Variants in GIPC2 observed in about 807,000 individuals in gnomAD.
GIPC2 encodes the protein PDZ domain-containing protein GIPC2.
In GIPC2, 30 loss-of-function variants were observed where a neutral mutation model predicts 30.6. That is an observed-to-expected ratio of 0.98 (90% confidence interval 0.73 to 1.33). GIPC2 has a LOEUF of 1.33. Ranked by LOEUF, GIPC2 falls within the 40% of genes most tolerant of loss-of-function variation. The pLI, the probability that GIPC2 is intolerant of heterozygous loss-of-function variation, is 0.00. For synonymous variants in GIPC2, 167 were observed against 150.0 expected (o/e 1.11, Z -0.83); for missense variants, 414 against 390.3 (o/e 1.06, Z -0.51).
At chr1:78,053,256 T>A (rs1357463202) in intron 1 of GIPC2, among the ~76,000 whole-genome samples, 1 of 152,186 alleles carries the variant, frequency 6.6e-6, no homozygotes, top group Non-Finnish European at 1.5e-5. Flanking sequence ...CAACAGCAGA[T>A]AAGACTGCTC....
chr1:78,052,017 A>G (rs1481181940), intron 1 of GIPC2, among the ~76,000 whole-genome samples: 1 of 152,148 alleles, frequency 6.6e-6, no homozygotes, highest in Non-Finnish European at 1.5e-5. Flanking sequence ...GGAACAAACC[A>G]AAATACTATG....
chr1:78,134,065 G>T (rs1662954829), intron 5 of GIPC2, among the ~76,000 whole-genome samples: 1 of 152,052 alleles, frequency 6.6e-6, no homozygotes, highest in Non-Finnish European at 1.5e-5. Context: ...ATGGAGAATG[G>T]TATTTAAGAA....
chr1:78,086,668 C>A (rs1171229641), intron 2 of GIPC2, among the ~76,000 whole-genome samples: 1 of 152,138 alleles, frequency 6.6e-6, no homozygotes, highest in Admixed American at 6.5e-5. Flanking sequence ...AACCCTTTTA[C>A]CATTATATAA....
At chr1:78,094,899 G>A (rs565164) in intron 2 of GIPC2, 53 bp from the exon 3 acceptor site, 300,033 of 1,225,194 alleles carry the variant, frequency 0.24, 39,685 homozygotes, top group East Asian at 0.48. Flanking sequence ...TGAGATTGGT[G>A]CATTCATTAC....
At chr1:78,119,300 A>G (rs1251653987) in intron 3 of GIPC2, 93 bp from the exon 4 acceptor site, 7 of 689,008 alleles carry the variant, frequency 1.0e-5, no homozygotes, top group Non-Finnish European at 1.8e-5. Flanking sequence ...ACAATTGTAT[A>G]TAGTTTTGTG....
At position 78,110,307 on chromosome 1, in the gene GIPC2, C is replaced by T. The variant is rs1662443596; in HGVS notation, c.608-9086C>T. Among the ~76,000 whole-genome samples, 3 of 152,166 alleles carry T rather than the reference C, an allele frequency of 2.0e-5. No individual in the cohort carries two copies. The South Asian group carries it at 6.2e-4, about 31-fold the overall frequency. ...CAAAGCCCAGGTAGAGCTGTTGACT[C>T]TAATTATTATTGCTTTGTAGAAATG... On this transcript the variant is annotated intron_variant, in intron 3 of 5. Coordinates refer to ENST00000370759, the MANE Select transcript of GIPC2 (RefSeq NM_017655.6).
intron 1 of GIPC2, among the ~76,000 whole-genome samples, chr1:78,052,652 G>A (rs1382354691): frequency 6.6e-6 from 1 of 152,024 alleles, no homozygotes; most frequent in East Asian, 1.9e-4. Flanking sequence ...TATACAACAC[G>A]ATGTTTTGAT....
chr1:78,059,013 A>G (rs1190935059), intron 1 of GIPC2, among the ~76,000 whole-genome samples: 1 of 152,082 alleles, frequency 6.6e-6, no homozygotes, highest in Non-Finnish European at 1.5e-5. Flanking sequence ...TGTCCTCCTC[A>G]CTATCCAACT....
chr1:78,093,321 G>C (rs1662075279), intron 2 of GIPC2, among the ~76,000 whole-genome samples: 1 of 152,094 alleles, frequency 6.6e-6, no homozygotes, highest in Admixed American at 6.5e-5. Flanking sequence ...GTTTCTGTTA[G>C]CGATATAAGT....
At chr1:78,122,579 A>G (rs533206191) in intron 4 of GIPC2, among the ~76,000 whole-genome samples, 1 of 152,144 alleles carries the variant, frequency 6.6e-6, no homozygotes, top group Non-Finnish European at 1.5e-5. Flanking sequence ...TTTTGAAACC[A>G]TGAGATCTTG....
chr1:78,083,035 T>C (rs969297876), intron 2 of GIPC2, among the ~76,000 whole-genome samples: 8 of 152,296 alleles, frequency 5.3e-5, no homozygotes, highest in African/African-American at 1.7e-4. Flanking sequence ...TACAGTACAA[T>C]TATGAAATTC....
intron 1 of GIPC2, among the ~76,000 whole-genome samples, chr1:78,062,089 A>G (rs1445045179): frequency 6.6e-6 from 1 of 152,270 alleles, no homozygotes; most frequent in Non-Finnish European, 1.5e-5. Context: ...ATCTCAGTCT[A>G]TAAAAGTCAC....
chr1:78,114,310 G>A (rs1662528196), intron 3 of GIPC2, among the ~76,000 whole-genome samples: 1 of 152,214 alleles, frequency 6.6e-6, no homozygotes, highest in Non-Finnish European at 1.5e-5. Context: ...CTGATTTAGG[G>A]CTTGGCCTGG....
chr1:78,061,774 G>A (rs1334223213), intron 1 of GIPC2, among the ~76,000 whole-genome samples: 1 of 151,868 alleles, frequency 6.6e-6, no homozygotes, highest in Non-Finnish European at 1.5e-5. Context: ...ACACCACCAT[G>A]CCCGGCTAAT....
In GIPC2 at chr1:78,046,161, G is replaced by A. The variant is rs545761339; in HGVS notation, c.67G>A (p.Glu23Lys). Residue 23 changes from glutamate to lysine, a missense_variant, in exon 1 of 6, where the codon GAG (glutamate) becomes AAG (lysine). By Grantham distance (56) the Glu-to-Lys change is moderately conservative. Transcript: ENST00000370759. ...SKETAGLVEG[E>K]PTGAGGGSLS... is the part of the protein sequence containing the mutation. ...GGAGACCGCCGGGCTGGTGGAGGGC[G>A]AGCCGACGGGCGCGGGCGGCGGGAG... 1.3e-6 allele frequency: 2 copies of A among 1,554,496 alleles called. No homozygotes were observed. Among genetic ancestry groups the A allele is most frequent in the South Asian group, 1.2e-5 (1 of 84,564 alleles).
At chr1:78,125,995 C>A in intron 5 of GIPC2, 33 bp downstream of exon 5, 2 of 950,830 alleles carry the variant, frequency 2.1e-6, no homozygotes, top group Non-Finnish European at 3.4e-6. Flanking sequence ...AGTCTTATAT[C>A]TCTTAATCTG....
At chr1:78,080,983 G>A (rs1415077382) in intron 2 of GIPC2, 123 bp downstream of exon 2, 5 of 480,616 alleles carry the variant, frequency 1.0e-5, no homozygotes, top group Non-Finnish European at 1.8e-5. Flanking sequence ...TGCATGAATT[G>A]GTAATGTTTC....
intron 1 of GIPC2, among the ~76,000 whole-genome samples, chr1:78,075,679 G>A (rs528459405): frequency 3.9e-5 from 6 of 152,228 alleles, no homozygotes; most frequent in South Asian, 2.1e-4. Flanking sequence ...TTTATTAGGC[G>A]TGAAAAAATA....
intron 3 of GIPC2, among the ~76,000 whole-genome samples, chr1:78,098,990 A>T (rs1483026928): frequency 6.6e-6 from 1 of 152,196 alleles, no homozygotes; most frequent in Non-Finnish European, 1.5e-5. Context: ...AGCACTAGGA[A>T]ATTATAGAGG....
Sources: allele counts gnomAD v4.1 joint callset (sites outside exome capture counted in the v4.1 genomes callset), GRCh38; gene constraint gnomAD v4.1.1; transcripts MANE v1.5; gene names NCBI Gene and HGNC (gene_info 2026-07-23, HGNC 2026-07-21).